The following POU6F2 variants were observed in gnomAD, a reference collection of about 807,000 sequenced individuals.
The protein encoded by POU6F2 is POU class 6 homeobox 2.
A neutral mutation model predicts 71.3 loss-of-function variants in POU6F2; 31 were observed. That is an observed-to-expected ratio of 0.43 (90% CI 0.33 to 0.59). The LOEUF is 0.59. Ranked by LOEUF, POU6F2 falls within the 20% of genes least tolerant of loss-of-function variation. POU6F2 has a pLI of 0.04. For synonymous variants in POU6F2, 347 were observed against 355.7 expected, an observed-to-expected ratio of 0.98 and a Z score of 0.27; for missense variants, 783 against 856.8, an observed-to-expected ratio of 0.91 and a Z score of 1.07.
intron 4 of POU6F2, among the ~76,000 whole-genome samples, chr7:39,252,561 G>A (rs1286213210): frequency 1.3e-5 from 2 of 152,124 alleles, no homozygotes; most frequent in Non-Finnish European, 2.9e-5. Context: ...GAGGGTTCAC[G>A]CAACTTTCTC....
At chr7:39,328,792 G>A (rs1271881664) in intron 4 of POU6F2, among the ~76,000 whole-genome samples, 1 of 152,066 alleles carries the variant, frequency 6.6e-6, no homozygotes, top group Non-Finnish European at 1.5e-5. Context: ...AGATATAATG[G>A]CCACATGTGT....
At chr7:39,115,927 G>A (rs991461111) in intron 2 of POU6F2, among the ~76,000 whole-genome samples, 38 of 152,220 alleles carry the variant, frequency 2.5e-4, no homozygotes, top group African/African-American at 8.4e-4. Context: ...TCAAATTTGA[G>A]TACTTTACTC....
intron 1 of POU6F2, among the ~76,000 whole-genome samples, chr7:39,014,134 C>A (rs887081169): frequency 6.6e-6 from 1 of 152,134 alleles, no homozygotes; most frequent in Admixed American, 6.5e-5. Flanking sequence ...CTAGGAGAAG[C>A]GACTCATTAT....
chr7:39,154,106 TG>T (rs1392951669), intron 2 of POU6F2, among the ~76,000 whole-genome samples: 2 of 152,230 alleles, frequency 1.3e-5, no homozygotes, highest in African/African-American at 4.8e-5. Context: ...CTCATAGCCT[TG>T]TTAGCCAAAC....
chr7:39,030,514 A>ACTATATATATATACAAAAAATAC (rs1183128854), intron 1 of POU6F2, among the ~76,000 whole-genome samples: 1 of 101,342 alleles, frequency 9.9e-6, no homozygotes, highest in Non-Finnish European at 2.0e-5. Context: ...ATATATATAT[A>ACTATATATATATACAAAAAATAC]TATATATATA....
intron 2 of POU6F2, among the ~76,000 whole-genome samples, chr7:39,119,832 A>C (rs963234427): frequency 2.0e-5 from 3 of 152,224 alleles, no homozygotes; most frequent in Non-Finnish European, 4.4e-5. Context: ...TAATTTCTCC[A>C]GGTCAATAAG....
At chr7:39,090,266 A>C (rs1384225086) in intron 2 of POU6F2, among the ~76,000 whole-genome samples, 1 of 152,164 alleles carries the variant, frequency 6.6e-6, no homozygotes, top group African/African-American at 2.4e-5. Flanking sequence ...TTTCTCACAG[A>C]AACATGCATT....
chr7:39,435,939 G>A (rs1788230291), intron 7 of POU6F2, among the ~76,000 whole-genome samples: 1 of 152,152 alleles, frequency 6.6e-6, no homozygotes, highest in South Asian at 2.1e-4. Context: ...TTTTAGATGT[G>A]TGGTGTTATT....
Position 39,202,387 on chromosome 7 carries a change from A to G in POU6F2, c.278-1848A>G, listed in dbSNP as rs567159362. On this transcript the variant is annotated intron_variant, in intron 2 of 9. Coordinates refer to ENST00000518318, the MANE Select transcript of POU6F2 (RefSeq NM_001370959.1). Reference sequence around the variant, plus strand: ...AAAGGGCTTTTCTATTTTTCTGTGCATTGTAAAAACACTCTTTTCATAGTC... The same window carrying G: ...AAAGGGCTTTTCTATTTTTCTGTGCGTTGTAAAAACACTCTTTTCATAGTC... Among the ~76,000 whole-genome samples the G allele has an allele frequency of 4.6e-5, 7 of 152,320 alleles. No homozygotes were observed. In the East Asian group the frequency reaches 1.3e-3, roughly 29 times the overall value.
intron 1 of POU6F2, among the ~76,000 whole-genome samples, chr7:39,055,709 G>A (rs572908868): frequency 1.3e-5 from 2 of 152,040 alleles, no homozygotes; most frequent in African/African-American, 2.4e-5. Flanking sequence ...GGTAAGTAAT[G>A]TTCTAGACGT....
At chr7:39,255,951 C>T (rs943024282) in intron 4 of POU6F2, among the ~76,000 whole-genome samples, 4 of 152,162 alleles carry the variant, frequency 2.6e-5, no homozygotes, top group African/African-American at 9.7e-5. Flanking sequence ...TAATAGATTG[C>T]TCCACACAGA....
At chr7:39,157,391 A>G (rs1338137246) in intron 2 of POU6F2, among the ~76,000 whole-genome samples, 1 of 152,146 alleles carries the variant, frequency 6.6e-6, no homozygotes, top group Admixed American at 6.5e-5. Flanking sequence ...TATCATCAGA[A>G]GCATTCTAGA....
chr7:39,327,207 A>T (rs187033902), intron 4 of POU6F2, among the ~76,000 whole-genome samples: 1 of 150,832 alleles, frequency 6.6e-6, no homozygotes, highest in African/African-American at 2.4e-5. Context: ...TGAACCCAGG[A>T]GGTGGAGCTT....
At position 39,466,694 on chromosome 7, in the gene POU6F2, T is replaced by G. The variant is rs1002962677; in HGVS notation, c.*2008T>G. On this transcript the variant is annotated 3_prime_UTR_variant, in exon 10 of 10. Transcript: ENST00000518318. The stretch of plus-strand genomic sequence containing the variant: ...TATAATTGTCCCCTCCAATGATTCA[T>G]GCAGCAATCAAGAGACTACCAGCAA... The G allele has an allele frequency of 5.3e-5, 8 of 152,202 alleles. No homozygotes were observed. The highest frequency in any genetic ancestry group is 1.9e-4 in the African/African-American group (8 of 41,448). The allele number at this position is 152,202 out of a possible 1,614,324, so 9.4% of individuals were successfully genotyped here. A position where few individuals can be genotyped will look rare whatever the true frequency, so the allele number is the denominator to read the frequency against.
intron 6 of POU6F2, among the ~76,000 whole-genome samples, chr7:39,416,137 C>CACACAA (rs1787668684): frequency 6.9e-6 from 1 of 145,430 alleles, no homozygotes; most frequent in African/African-American, 2.5e-5. Flanking sequence ...CACACACACA[C>CACACAA]ACTAGAAAAC....
At chr7:38,978,556 C>A (rs1481125445) in intron 1 of POU6F2, among the ~76,000 whole-genome samples, 4 of 152,182 alleles carry the variant, frequency 2.6e-5, no homozygotes, top group African/African-American at 9.6e-5. Flanking sequence ...GACTTCTAAC[C>A]CAGATAATGT....
intron 1 of POU6F2, among the ~76,000 whole-genome samples, chr7:39,040,311 T>G (rs923373930): frequency 1.3e-5 from 2 of 150,360 alleles, no homozygotes; most frequent in Admixed American, 1.3e-4. Flanking sequence ...CTATATATTT[T>G]TAGAAAATCT....
intron 2 of POU6F2, among the ~76,000 whole-genome samples, chr7:39,108,737 T>G (rs909691107): frequency 7.2e-5 from 11 of 152,366 alleles, no homozygotes; most frequent in Admixed American, 3.9e-4. Flanking sequence ...AGTTTTAATG[T>G]TCTCTTTCTA....
At chr7:39,239,778 G>A (rs969789119) in intron 4 of POU6F2, among the ~76,000 whole-genome samples, 1 of 152,044 alleles carries the variant, frequency 6.6e-6, no homozygotes, top group African/African-American at 2.4e-5. Flanking sequence ...GTTTTCCTTA[G>A]GGCCAGATGA....
Sources: gnomAD v4.1 joint callset for allele counts (sites outside exome capture counted in the v4.1 genomes callset) on GRCh38, gnomAD v4.1.1 for gene constraint, MANE v1.5 for transcripts, NCBI Gene and HGNC (gene_info 2026-07-23, HGNC 2026-07-21) for gene names.